Variants in ADAMTSL3 observed in about 807,000 individuals in gnomAD.
ADAMTSL3 encodes ADAMTS-like protein 3.
A neutral mutation model predicts 201.7 loss-of-function variants in ADAMTSL3; 128 were observed. That is an observed-to-expected ratio of 0.63 (90% CI 0.55 to 0.73). The LOEUF (loss-of-function observed/expected upper bound fraction) is 0.73. ADAMTSL3 is among the 30% of genes least tolerant of loss of function. The pLI, the probability that ADAMTSL3 is intolerant of heterozygous loss-of-function variation, is 0.00. For missense variants in ADAMTSL3, 1,990 were observed against 2,119.6 expected, an observed-to-expected ratio of 0.94 and a Z score of 1.20; for synonymous variants, 738 against 748.4, an observed-to-expected ratio of 0.99 and a Z score of 0.23.
chr15:83,944,175 G>A (rs544929168), intron 19 of ADAMTSL3, among the ~76,000 whole-genome samples: 40 of 152,268 alleles, frequency 2.6e-4, no homozygotes, highest in African/African-American at 7.5e-4. Context: ...TGTGGAAAGC[G>A]AAACCGTGGA....
chr15:83,986,239 AAG>A (rs1317969549), intron 21 of ADAMTSL3, among the ~76,000 whole-genome samples: 3 of 152,198 alleles, frequency 2.0e-5, no homozygotes, highest in African/African-American at 7.2e-5. Context: ...ATTGTAAGGA[AAG>A]AGAGGCTGAC....
intron 3 of ADAMTSL3, among the ~76,000 whole-genome samples, chr15:83,716,122 T>G (rs1243127295): frequency 6.6e-6 from 1 of 152,228 alleles, no homozygotes; most frequent in Non-Finnish European, 1.5e-5. Context: ...CCCATGGACA[T>G]GGAATAGCTA....
At chr15:83,888,443 T>A (rs999194630) in intron 10 of ADAMTSL3, among the ~76,000 whole-genome samples, 6 of 152,192 alleles carry the variant, frequency 3.9e-5, no homozygotes, top group African/African-American at 7.2e-5. Flanking sequence ...TCTCATTTTG[T>A]ACTTGTTTTG....
In ADAMTSL3 at chr15:83,732,307, G is replaced by A. The variant is rs1262573710; in HGVS notation, c.189+27799G>A. Among the ~76,000 whole-genome samples the A allele has an allele frequency of 6.6e-5, 10 of 152,056 alleles. 1 individual carries two copies. The East Asian group carries it at 1.9e-3, about 29-fold the overall frequency. ...GTGTGTTTTCCATTTAAAAAGTTAA[G>A]CTAAAAATAATACACTAAAGGGCAT... On this transcript the variant is annotated intron_variant, in intron 3 of 29. Transcript: ENST00000286744.
At chr15:83,885,284 G>A in intron 10 of ADAMTSL3, 72 bp downstream of exon 10, 1 of 1,237,926 alleles carries the variant, frequency 8.1e-7, no homozygotes, top group Admixed American at 1.9e-5. Context: ...CATTTTTGAA[G>A]CTGATTTTAA....
chr15:83,660,449 C>T, intron 2 of ADAMTSL3, among the ~76,000 whole-genome samples: 1 of 152,138 alleles, frequency 6.6e-6, no homozygotes, highest in African/African-American at 2.4e-5. Context: ...GCACATAATT[C>T]CTTTTAGGTC....
intron 2 of ADAMTSL3, among the ~76,000 whole-genome samples, chr15:83,682,318 C>T (rs2061486785): frequency 6.6e-6 from 1 of 152,216 alleles, no homozygotes; most frequent in African/African-American, 2.4e-5. Context: ...AGCAGATCTA[C>T]ACCTATAGCT....
At chr15:83,658,854 A>T (rs1333630820) in intron 2 of ADAMTSL3, among the ~76,000 whole-genome samples, 1 of 152,154 alleles carries the variant, frequency 6.6e-6, no homozygotes, top group East Asian at 1.9e-4. Context: ...CCTGAATTAC[A>T]ACGTGCCCCC....
intron 23 of ADAMTSL3, among the ~76,000 whole-genome samples, chr15:83,995,586 T>G (rs1428094010): frequency 6.6e-6 from 1 of 152,020 alleles, no homozygotes; most frequent in Non-Finnish European, 1.5e-5. Flanking sequence ...AAACCAAGAC[T>G]AGATAACTAG....
intron 4 of ADAMTSL3, among the ~76,000 whole-genome samples, chr15:83,794,076 G>T (rs1268222312): frequency 1.3e-5 from 2 of 152,124 alleles, no homozygotes; most frequent in Non-Finnish European, 2.9e-5. Context: ...AACACTACTG[G>T]CTATTAAGGA....
Position 83,970,719 on chromosome 15 carries a change from A to G in ADAMTSL3, c.2644+82A>G, listed in dbSNP as rs2067181711. The G allele has an allele frequency of 3.3e-6, 5 of 1,535,618 alleles. No homozygotes were observed. The East Asian group carries it at 9.0e-5, about 28-fold the overall frequency. The stretch of plus-strand genomic sequence containing the variant: ...CGATGTCTTTATTTTCCATACGTCA[A>G]CAGATTTCTAATCTGTGGGTAAGGC... On this transcript the variant is annotated intron_variant, in intron 20 of 29. Coordinates refer to ENST00000286744, the MANE Select transcript of ADAMTSL3 (RefSeq NM_207517.3).
chr15:83,818,425 C>G (rs1256706897), intron 5 of ADAMTSL3, among the ~76,000 whole-genome samples: 2 of 152,186 alleles, frequency 1.3e-5, no homozygotes, highest in Non-Finnish European at 2.9e-5. Flanking sequence ...CTCCCAGGTT[C>G]AAGCAATTCT....
intron 3 of ADAMTSL3, among the ~76,000 whole-genome samples, chr15:83,747,682 T>C (rs2062568569): frequency 6.6e-6 from 1 of 152,150 alleles, no homozygotes; most frequent in Non-Finnish European, 1.5e-5. Context: ...TAACTGTTCA[T>C]CATAGGTCCT....
rs183762113 is a variant in ADAMTSL3 at position 83,964,405 on chromosome 15, C to G, written c.2491-6079C>G. On this transcript the variant is annotated intron_variant, in intron 19 of 29. Transcript: ENST00000286744. ...CACAAGTATCAATAGCCAAATTGCT[C>G]AAGCAGAACAAGGATATCAGAGATT... 3.0e-4 allele frequency among the ~76,000 whole-genome samples: 46 copies of G among 151,600 alleles called. 1 individual carries two copies. The East Asian group carries it at 6.8e-3, about 22-fold the overall frequency.
intron 16 of ADAMTSL3, among the ~76,000 whole-genome samples, chr15:83,919,853 C>T (rs1021656751): frequency 1.3e-5 from 2 of 152,030 alleles, no homozygotes; most frequent in African/African-American, 4.8e-5. Flanking sequence ...GGAAGGGCAG[C>T]TTCTAATTGT....
intron 6 of ADAMTSL3, among the ~76,000 whole-genome samples, chr15:83,827,082 C>G (rs1439876203): frequency 6.6e-6 from 1 of 152,162 alleles, no homozygotes; most frequent in African/African-American, 2.4e-5. Context: ...TGAGGAATTG[C>G]CACACTGACT....
At chr15:83,779,558 C>T (rs997774202) in intron 4 of ADAMTSL3, among the ~76,000 whole-genome samples, 23 of 151,746 alleles carry the variant, frequency 1.5e-4, no homozygotes, top group Non-Finnish European at 3.4e-4. Flanking sequence ...ATTAGCCGGG[C>T]GTGGTGGCAG....
intron 23 of ADAMTSL3, among the ~76,000 whole-genome samples, chr15:83,995,431 AC>A (rs2067669659): frequency 6.6e-6 from 1 of 152,200 alleles, no homozygotes; most frequent in African/African-American, 2.4e-5. Flanking sequence ...CATCATACTC[AC>A]TTTAATGGTG....
chr15:83,985,537 T>C (rs552640733), intron 21 of ADAMTSL3, among the ~76,000 whole-genome samples: 1 of 152,290 alleles, frequency 6.6e-6, no homozygotes, highest in African/African-American at 2.4e-5. Flanking sequence ...TGTGTGTACT[T>C]CCCATTGTGT....
Sources: gnomAD v4.1 joint callset for allele counts (sites outside exome capture counted in the v4.1 genomes callset) on GRCh38, gnomAD v4.1.1 for gene constraint, MANE v1.5 for transcripts, NCBI Gene and HGNC (gene_info 2026-07-23, HGNC 2026-07-21) for gene names.